The following PARP16 variants were observed in gnomAD, a reference collection of about 807,000 sequenced individuals.
PARP16 encodes poly(ADP-ribose) polymerase family member 16, also known as protein mono-ADP-ribosyltransferase PARP16.
Under a neutral mutation model 35.0 loss-of-function variants are expected in PARP16, and 31 were observed. That is an observed-to-expected ratio of 0.88 (90% CI 0.66 to 1.19). The LOEUF (loss-of-function observed/expected upper bound fraction) is 1.19. Ranked by LOEUF, PARP16 falls within the 50% of genes most tolerant of loss-of-function variation. The pLI is 0.00. For synonymous variants in PARP16, 162 were observed against 169.5 expected (o/e 0.96, Z 0.34); for missense variants, 424 against 411.2 (o/e 1.03, Z -0.27).
chr15:65,254,859 A>G (rs917777264), downstream of PARP16, among the ~76,000 whole-genome samples: 1 of 152,196 alleles, frequency 6.6e-6, no homozygotes, highest in African/African-American at 2.4e-5. Flanking sequence ...AATGACACAG[A>G]ACAACTTCCC....
chr15:65,241,692 G>GT (rs1234964780), intron 3 of PARP16, among the ~76,000 whole-genome samples: 1 of 151,756 alleles, frequency 6.6e-6, no homozygotes, highest in Non-Finnish European at 1.5e-5. Context: ...TTTTACATTA[G>GT]TTTTTTATAT....
intron 3 of PARP16, among the ~76,000 whole-genome samples, chr15:65,246,557 CT>C (rs1304979850): frequency 6.6e-6 from 1 of 152,236 alleles, no homozygotes; most frequent in Admixed American, 6.5e-5. Context: ...AGCTTGAAGA[CT>C]TACCTGACCC....
downstream of PARP16, among the ~76,000 whole-genome samples, chr15:65,234,218 A>G (rs2088822359): frequency 1.3e-5 from 2 of 152,096 alleles, no homozygotes; most frequent in Non-Finnish European, 2.9e-5. Context: ...GCCTTAAGAG[A>G]TCCTCCCATG....
At position 65,234,978 on chromosome 15, in the gene PARP16, G is replaced by A. The variant is rs139915879; in HGVS notation, c.*98-155C>T. On this transcript the variant is annotated intron_variant and NMD_transcript_variant, in intron 3 of 3. Transcript: ENST00000559805. Reference sequence around the variant, plus strand: ...ATCCTGGCTAATATGGTGAAACCCCGTCTCTACTAAAAATACAAAAAAAAG... The same window carrying A: ...ATCCTGGCTAATATGGTGAAACCCCATCTCTACTAAAAATACAAAAAAAAG... Among the ~76,000 whole-genome samples the A allele has an allele frequency of 7.2e-3, 1,090 of 151,846 alleles. 8 individuals are homozygous for A. The highest frequency in any genetic ancestry group is 0.014 in the Middle Eastern group (4 of 294).
At chr15:65,238,385 G>A (rs1448825319) in intron 3 of PARP16, among the ~76,000 whole-genome samples, 1 of 152,134 alleles carries the variant, frequency 6.6e-6, no homozygotes, top group East Asian at 1.9e-4. Flanking sequence ...GATGAAAAGA[G>A]AACTCTTGTT....
At chr15:65,257,254 T>C (rs1356132589), downstream of PARP16, among the ~76,000 whole-genome samples, 1 of 151,988 alleles carries the variant, frequency 6.6e-6, no homozygotes, top group Non-Finnish European at 1.5e-5. Flanking sequence ...CCATCTCTAC[T>C]AAAAACACAA....
chr15:65,259,371 A>G lies in PARP16; in HGVS notation c.*36T>C, dbSNP rs770224550. On this transcript the variant is annotated 3_prime_UTR_variant, in exon 6 of 6. Coordinates refer to ENST00000649807, the MANE Select transcript of PARP16 (RefSeq NM_001316943.2). ...TACAGAACAAGTTACCATAAGGCAC[A>G]TAGTTGAGGTAGCCCCCACACCAGG... is the stretch of plus-strand genomic sequence containing the variant. 7.4e-6 allele frequency: 12 copies of G among 1,611,752 alleles called. No individual in the cohort carries two copies. The highest frequency in any genetic ancestry group is 1.0e-5 in the Non-Finnish European group (12 of 1,178,086).
chr15:65,250,071 GACA>G (rs1295963803), intron 2 of PARP16, among the ~76,000 whole-genome samples: 1 of 146,400 alleles, frequency 6.8e-6, no homozygotes, highest in African/African-American at 2.5e-5. Flanking sequence ...TCTTTGCTCA[GACA>G]GCCCCTCTAG....
intron 3 of PARP16, among the ~76,000 whole-genome samples, chr15:65,239,424 TAAAAAAAAAAA>T (rs758350761): frequency 5.2e-3 from 36 of 6,960 alleles, no homozygotes; most frequent in African/African-American, 0.017. Flanking sequence ...AGACTTTGCC[TAAAAAAAAAAA>T]AAAAAAAAAA....
chr15:65,249,133 C>T (rs542486912), intron 2 of PARP16, among the ~76,000 whole-genome samples: 72 of 152,362 alleles, frequency 4.7e-4, no homozygotes, highest in Non-Finnish European at 9.8e-4. Flanking sequence ...GCTCCTCTTG[C>T]TCAGAGCCCC....
chr15:65,239,364 T>C lies in PARP16; in HGVS notation c.*98-4541A>G, dbSNP rs574509870. Among the ~76,000 whole-genome samples the C allele has an allele frequency of 6.1e-4, 79 of 129,396 alleles. 1 individual carries two copies. The South Asian group carries it at 0.017, about 28-fold the overall frequency. The allele number at this position is 129,396 out of a possible 152,430, so 84.9% of individuals were successfully genotyped here. ...TTCACTTGGACCTGGGAGGCAGAAGTTGCAGTGAGCTGAGATCCCACCACT... is the reference window on the plus strand; with the variant it reads ...TTCACTTGGACCTGGGAGGCAGAAGCTGCAGTGAGCTGAGATCCCACCACT... On this transcript the variant is annotated intron_variant and NMD_transcript_variant, in intron 3 of 3. Transcript: ENST00000559805.
intron 3 of PARP16, among the ~76,000 whole-genome samples, chr15:65,243,277 G>T (rs2089126860): frequency 6.6e-6 from 1 of 151,676 alleles, no homozygotes; most frequent in African/African-American, 2.4e-5. Context: ...TTAGAGAGTA[G>T]GTCTGGCTCT....
At chr15:65,254,331 G>A (rs2089444196), downstream of PARP16, among the ~76,000 whole-genome samples, 1 of 152,146 alleles carries the variant, frequency 6.6e-6, no homozygotes, top group Admixed American at 6.5e-5. Context: ...GTCATGATTT[G>A]TTTTGGATGC....
In PARP16 at chr15:65,263,232, C is replaced by T; in HGVS notation, c.608G>A (p.Ser203Asn). The T allele has an allele frequency of 5.0e-6, 8 of 1,614,114 alleles. No individual in the cohort carries two copies. In the South Asian group the frequency reaches 8.8e-5, roughly 18 times the overall value. ...YSPHGHGWQHSLLGPILSCVA... is the reference protein window; with the variant it reads ...YSPHGHGWQHNLLGPILSCVA... ...ACAGCTAAGGATGGGGCCGAGGAGG[C>T]TGTGCTGCCACCCATGGCCATGGGG... Residue 203 changes from serine (S) to asparagine (N), a missense_variant, in exon 4 of 6, where the codon AGC becomes AAC. Physicochemically the swap from Ser to Asn is conservative, Grantham distance 46 (BLOSUM62 1). Coordinates refer to ENST00000649807, the MANE Select transcript of PARP16 (RefSeq NM_001316943.2).
Position 65,271,029 on chromosome 15 carries a change from T to C in PARP16, c.218A>G (p.Gln73Arg). ...SKLPNLKELL[Q>R]SSGDNHKRAW... ...CCGTTTGTGGTTGTCTCCGGAGGACTGGAGAAGTTCTTTCAGGTTAGGTAA... is the reference window on the plus strand; with the variant it reads ...CCGTTTGTGGTTGTCTCCGGAGGACCGGAGAAGTTCTTTCAGGTTAGGTAA... The change falls in exon 2 of 6, where the codon CAG becomes CGG. Residue 73 changes from glutamine to arginine, a missense_variant. Transcript: ENST00000649807. The C allele has an allele frequency of 6.2e-7, 1 of 1,613,702 alleles. No individual in the cohort carries two copies. Among genetic ancestry groups the C allele is most frequent in the East Asian group, 2.2e-5 (1 of 44,880 alleles).
chr15:65,278,022 T>C (rs1191317990), intron 1 of PARP16, among the ~76,000 whole-genome samples: 1 of 152,142 alleles, frequency 6.6e-6, no homozygotes, highest in Non-Finnish European at 1.5e-5. Context: ...AGGCAGGTAT[T>C]TCCAGGGATG....
At chr15:65,279,246 G>T (rs2090348627) in intron 1 of PARP16, among the ~76,000 whole-genome samples, 1 of 152,190 alleles carries the variant, frequency 6.6e-6, no homozygotes, top group East Asian at 1.9e-4. Context: ...AGGATTAAAT[G>T]AGCTACGTGT....
intron 3 of PARP16, among the ~76,000 whole-genome samples, chr15:65,240,114 CCA>C (rs1288703502): frequency 1.3e-5 from 2 of 151,268 alleles, no homozygotes; most frequent in Admixed American, 1.3e-4. Context: ...CAGGCATGAA[CCA>C]CGACATGCTC....
chr15:65,265,994 T>C (rs775326022), intron 3 of PARP16, among the ~76,000 whole-genome samples: 5 of 152,206 alleles, frequency 3.3e-5, no homozygotes, highest in Non-Finnish European at 7.3e-5. Flanking sequence ...AATGGCACGA[T>C]CTCAGCTCAC....
Sources: gnomAD v4.1 joint callset for allele counts (sites outside exome capture counted in the v4.1 genomes callset) on GRCh38, gnomAD v4.1.1 for gene constraint, MANE v1.5 for transcripts, NCBI Gene and HGNC (gene_info 2026-07-23, HGNC 2026-07-21) for gene names.